Variants in NEGR1 observed in about 807,000 individuals in gnomAD.
NEGR1 encodes the protein IgLON family member 4.
In NEGR1, 10 loss-of-function variants were observed where a neutral mutation model predicts 40.9. The observed-to-expected ratio is 0.24, with a 90% CI of 0.15 to 0.42. The LOEUF (loss-of-function observed/expected upper bound fraction) is 0.42, where lower values mean the gene tolerates loss of function less well. Ranked by LOEUF, NEGR1 falls within the 10% of genes least tolerant of loss-of-function variation. NEGR1 has a pLI of 1.00. For missense variants in NEGR1, 352 were observed against 438.9 expected (o/e 0.80, Z 1.77); for synonymous variants, 185 against 166.8 (o/e 1.11, Z -0.84).
In NEGR1 at chr1:72,217,458, T is replaced by C. The variant is rs188635966; in HGVS notation, c.176+64861A>G. Among the ~76,000 whole-genome samples, 194 of 151,914 alleles carry C rather than the reference T, an allele frequency of 1.3e-3. 1 individual carries two copies. The highest frequency in any genetic ancestry group is 2.5e-3 in the Non-Finnish European group (169 of 67,776). On this transcript the variant is annotated intron_variant, in intron 1 of 6. Transcript: ENST00000357731. ...TCAATTTAATAATAAGTAAGGACTT[T>C]CTGAGATAAGGTTAATGCCAATATG...
chr1:71,440,869 T>C (rs911486059), intron 6 of NEGR1, among the ~76,000 whole-genome samples: 1 of 152,240 alleles, frequency 6.6e-6, no homozygotes, highest in African/African-American at 2.4e-5. Context: ...ATCTCAATCA[T>C]CTTAACTAAT....
At chr1:71,995,100 G>A (rs951319002) in intron 1 of NEGR1, among the ~76,000 whole-genome samples, 3 of 149,928 alleles carry the variant, frequency 2.0e-5, no homozygotes, top group African/African-American at 7.3e-5. Context: ...TGAGCTCAAT[G>A]TATAAGCAAG....
chr1:71,666,399 T>C (rs1570172171), intron 4 of NEGR1, among the ~76,000 whole-genome samples: 1 of 152,028 alleles, frequency 6.6e-6, no homozygotes, highest in Non-Finnish European at 1.5e-5. Flanking sequence ...ATCATGGAAA[T>C]AGAATAGTAA....
intron 1 of NEGR1, among the ~76,000 whole-genome samples, chr1:72,091,331 ACT>A (rs967085265): frequency 1.6e-4 from 23 of 146,886 alleles, no homozygotes; most frequent in Non-Finnish European, 3.0e-4. Context: ...TTCCTCCACC[ACT>A]CTTTTTCTCT....
At chr1:71,752,071 C>T (rs1190581398) in intron 3 of NEGR1, among the ~76,000 whole-genome samples, 2 of 152,102 alleles carry the variant, frequency 1.3e-5, no homozygotes, top group South Asian at 2.1e-4. Context: ...TTATACAATA[C>T]GCTGGAGTAG....
At chr1:72,172,039 G>T (rs1651981496) in intron 1 of NEGR1, among the ~76,000 whole-genome samples, 1 of 152,084 alleles carries the variant, frequency 6.6e-6, no homozygotes, top group Non-Finnish European at 1.5e-5. Flanking sequence ...ACAGGAAATT[G>T]AAGGAAAAAA....
At chr1:72,147,691 T>C (rs901198770) in intron 1 of NEGR1, among the ~76,000 whole-genome samples, 1 of 152,056 alleles carries the variant, frequency 6.6e-6, no homozygotes, top group Non-Finnish European at 1.5e-5. Context: ...CCTGAGCCTG[T>C]AAAAATCAAA....
chr1:71,662,539 A>T (rs1652100660), intron 4 of NEGR1, among the ~76,000 whole-genome samples: 1 of 152,114 alleles, frequency 6.6e-6, no homozygotes. Flanking sequence ...TTTGAGCCTC[A>T]GTTTTTTCGC....
chr1:71,786,081 TA>T (rs1656898163), intron 2 of NEGR1, among the ~76,000 whole-genome samples: 1 of 151,988 alleles, frequency 6.6e-6, no homozygotes, highest in African/African-American at 2.4e-5. Flanking sequence ...ATCATGAAGA[TA>T]ATATACATTC....
intron 6 of NEGR1, among the ~76,000 whole-genome samples, chr1:71,498,514 G>A (rs1646979920): frequency 1.3e-5 from 2 of 152,082 alleles, no homozygotes; most frequent in African/African-American, 4.8e-5. Flanking sequence ...CTACCCTGAG[G>A]GTAAATTGCT....
chr1:71,401,938 C>T lies in NEGR1; in HGVS notation c.*5508G>A, dbSNP rs541327787. 7.9e-5 allele frequency: 12 copies of T among 152,118 alleles called. No individual in the cohort carries two copies. Among genetic ancestry groups the T allele is most frequent in the Admixed American group, 7.2e-4 (11 of 15,264 alleles). The allele number at this position is 152,118 out of a possible 1,614,324, so 9.4% of individuals were successfully genotyped here. On this transcript the variant is annotated 3_prime_UTR_variant, in exon 7 of 7. Coordinates refer to ENST00000357731, the MANE Select transcript of NEGR1 (RefSeq NM_173808.3). ...TGTACAATCTGATTAGCCTTTAAAT[C>T]TCATACCCTCTGCAGGTATTGGAAA... is the stretch of plus-strand genomic sequence containing the variant.
Position 71,405,528 on chromosome 1 carries a change from A to T in NEGR1, c.*1918T>A, listed in dbSNP as rs929530625. On this transcript the variant is annotated 3_prime_UTR_variant, in exon 7 of 7. Coordinates refer to ENST00000357731, the MANE Select transcript of NEGR1 (RefSeq NM_173808.3). ...CTAAAAACTCTTTTTTAATGTATCAATCAAAATAATGTCATACATTTATTA... is the reference window on the plus strand; with the variant it reads ...CTAAAAACTCTTTTTTAATGTATCATTCAAAATAATGTCATACATTTATTA... 1 of 152,258 alleles carries T rather than the reference A, an allele frequency of 6.6e-6. No homozygotes were observed. Among genetic ancestry groups the T allele is most frequent in the East Asian group, 1.9e-4 (1 of 5,196 alleles). 9.4% of individuals were successfully genotyped at this position (152,258 alleles called of 1,614,324 possible).
chr1:71,711,086 G>C (rs1391570431), intron 3 of NEGR1, among the ~76,000 whole-genome samples: 1 of 151,416 alleles, frequency 6.6e-6, no homozygotes, highest in African/African-American at 2.4e-5. Flanking sequence ...TATTAAAGAA[G>C]ACACCCAATG....
At chr1:72,056,174 T>G (rs895913369) in intron 1 of NEGR1, among the ~76,000 whole-genome samples, 2 of 151,242 alleles carry the variant, frequency 1.3e-5, no homozygotes, top group Non-Finnish European at 1.5e-5. Flanking sequence ...ATACTTGATG[T>G]TCTTGTTTTA....
intron 4 of NEGR1, among the ~76,000 whole-genome samples, chr1:71,650,525 T>G (rs754447240): frequency 2.0e-5 from 3 of 152,168 alleles, no homozygotes; most frequent in Non-Finnish European, 4.4e-5. Context: ...TAGACTGCAT[T>G]TGTCTTATTA....
chr1:72,258,820 CTTT>C (rs572990598), intron 1 of NEGR1, among the ~76,000 whole-genome samples: 43 of 152,040 alleles, frequency 2.8e-4, no homozygotes, highest in Admixed American at 2.7e-3. Flanking sequence ...TCACCAATTG[CTTT>C]TTTATTTTCA....
chr1:71,559,887 C>T (rs564304369), intron 6 of NEGR1, among the ~76,000 whole-genome samples: 3 of 151,090 alleles, frequency 2.0e-5, no homozygotes, highest in Non-Finnish European at 3.0e-5. Context: ...ATTTCTTGTT[C>T]TTTAAAAGCT....
chr1:72,280,988 G>C (rs541773826), intron 1 of NEGR1, among the ~76,000 whole-genome samples: 11 of 152,232 alleles, frequency 7.2e-5, no homozygotes, highest in Admixed American at 6.5e-4. Flanking sequence ...AGGGCGTTTA[G>C]CTTTGTTTAG....
At chr1:71,843,930 G>A (rs1659322091) in intron 2 of NEGR1, among the ~76,000 whole-genome samples, 1 of 152,076 alleles carries the variant, frequency 6.6e-6, no homozygotes, top group Admixed American at 6.6e-5. Context: ...CAGCATGCTA[G>A]GGATATGAAA....
Sources: gnomAD v4.1 joint callset for allele counts (sites outside exome capture counted in the v4.1 genomes callset) on GRCh38, gnomAD v4.1.1 for gene constraint, MANE v1.5 for transcripts, NCBI Gene and HGNC (gene_info 2026-07-23, HGNC 2026-07-21) for gene names.